TEX14: variants seen among roughly 807,000 people sequenced by gnomAD.
TEX14 encodes the protein inactive serine/threonine-protein kinase TEX14.
TEX14 carries 168 observed loss-of-function variants against 178.6 expected under a neutral mutation model. The ratio of observed to expected loss-of-function variants is 0.94; its 90% CI spans 0.83 to 1.07. The LOEUF (loss-of-function observed/expected upper bound fraction) is 1.07. TEX14 is among the 50% of genes least tolerant of loss of function. The pLI is 0.00. For missense variants in TEX14, 1,730 were observed against 1,753.6 expected, an observed-to-expected ratio of 0.99 and a Z score of 0.24; for synonymous variants, 626 against 634.1, an observed-to-expected ratio of 0.99 and a Z score of 0.19.
intron 20 of TEX14, among the ~76,000 whole-genome samples, chr17:58,578,777 T>G (rs1425185970): frequency 6.6e-6 from 1 of 152,104 alleles, no homozygotes; most frequent in Admixed American, 6.6e-5. Context: ...AGACTTTAAG[T>G]AAAAGTTGAT....
chr17:58,680,917 CTT>C (rs35468028), intron 1 of TEX14, among the ~76,000 whole-genome samples: 4 of 152,174 alleles, frequency 2.6e-5, no homozygotes, highest in Non-Finnish European at 1.5e-5. Context: ...GAGTTTATAA[CTT>C]TTTTTTCCTT....
Position 58,615,316 on chromosome 17 carries a change from A to T in TEX14, c.797T>A (p.Val266Glu), listed in dbSNP as rs770965289. 1 of 1,613,098 alleles carries T rather than the reference A, an allele frequency of 6.2e-7. No individual in the cohort carries two copies. Residue 266 changes from valine to glutamate, a missense_variant, in exon 8 of 32, where the codon GTG becomes GAG. Physicochemically the swap from Val to Glu is moderately radical, Grantham distance 121. Transcript: ENST00000349033. ...NLVWNGSRVT[V>E]KELNLPTHPH... The stretch of plus-strand genomic sequence containing the variant: ...GTGGGTGGGGAGATTCAGCTCTTTC[A>T]CTGTGACCCTGCTCCCATTCCACAC...
chr17:58,635,909 C>G (rs1335054183), intron 2 of TEX14, among the ~76,000 whole-genome samples: 1 of 152,004 alleles, frequency 6.6e-6, no homozygotes, highest in Non-Finnish European at 1.5e-5. Context: ...CTACGCCTGG[C>G]TAATTTTTGT....
intron 19 of TEX14, among the ~76,000 whole-genome samples, chr17:58,582,512 C>T (rs1414600343): frequency 6.6e-6 from 1 of 151,950 alleles, no homozygotes; most frequent in Non-Finnish European, 1.5e-5. Flanking sequence ...CTGCCTCTGC[C>T]TCCCAAAGTG....
chr17:58,642,620 C>A (rs971331805), intron 2 of TEX14, among the ~76,000 whole-genome samples: 1 of 151,830 alleles, frequency 6.6e-6, no homozygotes, highest in Non-Finnish European at 1.5e-5. Flanking sequence ...TTCTGCCTCC[C>A]GGGTTCAAGT....
intron 1 of TEX14, among the ~76,000 whole-genome samples, chr17:58,682,272 T>G (rs949644349): frequency 6.7e-6 from 1 of 150,196 alleles, no homozygotes; most frequent in Admixed American, 6.6e-5. Context: ...CTTTTTTTTT[T>G]TTTGTGACAG....
intron 15 of TEX14, among the ~76,000 whole-genome samples, chr17:58,590,621 T>TG (rs2045110760): frequency 1.3e-5 from 2 of 152,016 alleles, no homozygotes; most frequent in African/African-American, 4.8e-5. Flanking sequence ...AGTGGCATAA[T>TG]CATGGCACTG....
chr17:58,602,408 C>T lies in TEX14; in HGVS notation c.1519G>A (p.Asp507Asn). 1.2e-6 allele frequency: 2 copies of T among 1,609,880 alleles called. No homozygotes were observed. Among genetic ancestry groups the T allele is most frequent in the Middle Eastern group, 1.7e-4 (1 of 6,046 alleles). The stretch of plus-strand genomic sequence containing the variant: ...ACAACTTCAGGGCTTGCCTTTAAGT[C>T]ATTCTTCAGAATATACCGGATATCT... ...LQDIRYILKN[D>N]LKDFTGAQRT... The change falls in exon 12 of 32, where the codon GAC becomes AAC. Residue 507 changes from aspartate (D) to asparagine (N), a missense_variant. Asp to Asn is a conservative substitution (Grantham distance 23, BLOSUM62 1). Coordinates refer to ENST00000349033, the MANE Select transcript of TEX14 (RefSeq NM_031272.5).
chr17:58,602,219 T>G (rs2045470152), intron 12 of TEX14, among the ~76,000 whole-genome samples, 181 bp downstream of exon 12: 1 of 152,180 alleles, frequency 6.6e-6, no homozygotes, highest in Non-Finnish European at 1.5e-5. Context: ...CCCTCCTCAA[T>G]TCCATGCTGC....
chr17:58,602,784 G>A (rs1445598485), intron 11 of TEX14, among the ~76,000 whole-genome samples, 194 bp from the exon 12 acceptor site: 1 of 151,990 alleles, frequency 6.6e-6, no homozygotes, highest in Non-Finnish European at 1.5e-5. Flanking sequence ...ACTACCCAGA[G>A]GGGCCGGGCG....
chr17:58,665,699 G>A (rs193107569), intron 1 of TEX14, among the ~76,000 whole-genome samples: 113 of 151,930 alleles, frequency 7.4e-4, no homozygotes, highest in Non-Finnish European at 1.5e-3. Context: ...AGTAAGCAAC[G>A]GTAACAACCC....
intron 1 of TEX14, among the ~76,000 whole-genome samples, 180 bp from the exon 2 acceptor site, chr17:58,652,182 G>A (rs1267571287): frequency 1.3e-5 from 2 of 152,140 alleles, no homozygotes; most frequent in Admixed American, 6.6e-5. Flanking sequence ...TGAAATTAAA[G>A]AACTTGAATA....
In TEX14 at chr17:58,569,905, G is replaced by C. The variant is rs1347986430; in HGVS notation, c.3817+480C>G. Among the ~76,000 whole-genome samples the C allele has an allele frequency of 6.6e-6, 1 of 152,012 alleles. No individual in the cohort carries two copies. The highest frequency in any genetic ancestry group is 1.5e-5 in the Non-Finnish European group (1 of 68,022). On this transcript the variant is annotated intron_variant, in intron 25 of 31. Transcript: ENST00000349033. The surrounding 1 kb of genome is among the most constrained non-coding windows in gnomAD (Gnocchi z 4.1). ...CTGTCTTCTAAGAATCTATCCTAAG[G>C]AAAGGATCAGAGGTACAGATAAAAA...
intron 1 of TEX14, among the ~76,000 whole-genome samples, chr17:58,690,147 G>GT (rs940472537): frequency 6.7e-6 from 1 of 150,228 alleles, no homozygotes; most frequent in Non-Finnish European, 1.5e-5. Flanking sequence ...TTGAGTGGGG[G>GT]TTTTTTTGTT....
intron 1 of TEX14, among the ~76,000 whole-genome samples, chr17:58,681,051 G>A (rs962651976): frequency 6.6e-6 from 1 of 152,086 alleles, no homozygotes. Flanking sequence ...GGAGGCTGAG[G>A]TGGGTGGATC....
At chr17:58,642,531 TATTTA>T (rs1567754256) in intron 2 of TEX14, among the ~76,000 whole-genome samples, 1 of 151,792 alleles carries the variant, frequency 6.6e-6, no homozygotes, top group African/African-American at 2.4e-5. Flanking sequence ...TATTTTATTT[TATTTA>T]TTTTTTTTTT....
At chr17:58,629,417 G>C (rs1463585841) in intron 3 of TEX14, among the ~76,000 whole-genome samples, 1 of 146,940 alleles carries the variant, frequency 6.8e-6, no homozygotes, top group Non-Finnish European at 1.5e-5. Flanking sequence ...TCCTGCCACT[G>C]CACTCCAGCC....
chr17:58,638,854 CTTTTTTT>C (rs1210311633), intron 2 of TEX14, among the ~76,000 whole-genome samples: 5 of 75,094 alleles, frequency 6.7e-5, no homozygotes, highest in Non-Finnish European at 1.2e-4. Flanking sequence ...GACTATTATT[CTTTTTTT>C]TTTTTTTTTT....
intron 5 of TEX14, among the ~76,000 whole-genome samples, chr17:58,620,714 C>T (rs2045979027): frequency 6.6e-6 from 1 of 151,986 alleles, no homozygotes; most frequent in African/African-American, 2.4e-5. Flanking sequence ...AGGCTGGTCT[C>T]GAACTCCTGA....
Sources: gnomAD v4.1 joint callset for allele counts (sites outside exome capture counted in the v4.1 genomes callset) on GRCh38, gnomAD v4.1.1 for gene constraint, Gnocchi (gnomAD v3.1) non-coding constraint, MANE v1.5 for transcripts, NCBI Gene and HGNC (gene_info 2026-07-23, HGNC 2026-07-21) for gene names.